Variants in ITGA8 observed in about 807,000 individuals in gnomAD.
The protein encoded by ITGA8 is integrin alpha-8.
Under a neutral mutation model 142.3 loss-of-function variants are expected in ITGA8, and 91 were observed. That is an observed-to-expected ratio of 0.64 (90% CI 0.54 to 0.76). The LOEUF (loss-of-function observed/expected upper bound fraction) is 0.76. ITGA8 is among the 30% of genes least tolerant of loss of function. The pLI is 0.00. For missense variants in ITGA8, 1,406 were observed against 1,327.7 expected (o/e 1.06, Z -0.92); for synonymous variants, 505 against 485.2 (o/e 1.04, Z -0.54).
chr10:15,670,357 A>G (rs566429114), intron 8 of ITGA8, among the ~76,000 whole-genome samples: 4 of 152,350 alleles, frequency 2.6e-5, no homozygotes, highest in East Asian at 1.9e-4. Context: ...GTTAGTTAAT[A>G]TTAGTGTCAT....
At chr10:15,562,362 G>A (rs1833999789) in intron 25 of ITGA8, among the ~76,000 whole-genome samples, 1 of 152,218 alleles carries the variant, frequency 6.6e-6, no homozygotes, top group Admixed American at 6.5e-5. Context: ...GGCGCCATCA[G>A]GCTATGGGGT....
At chr10:15,709,325 G>T (rs1246554845) in intron 2 of ITGA8, among the ~76,000 whole-genome samples, 1 of 152,204 alleles carries the variant, frequency 6.6e-6, no homozygotes, top group African/African-American at 2.4e-5. Flanking sequence ...TGGCAAGTGT[G>T]TTGACACACT....
intron 13 of ITGA8, among the ~76,000 whole-genome samples, chr10:15,638,412 C>T (rs917652907): frequency 2.6e-5 from 4 of 152,164 alleles, no homozygotes; most frequent in Non-Finnish European, 5.9e-5. Context: ...AATGTGTATG[C>T]CCTGCCATTA....
intron 2 of ITGA8, among the ~76,000 whole-genome samples, chr10:15,691,913 A>G (rs892805951): frequency 6.6e-6 from 1 of 152,204 alleles, no homozygotes; most frequent in African/African-American, 2.4e-5. Context: ...TAAATAGATC[A>G]AAACATTACA....
intron 28 of ITGA8, among the ~76,000 whole-genome samples, chr10:15,529,395 A>G (rs1449361807): frequency 6.6e-6 from 1 of 152,218 alleles, no homozygotes; most frequent in African/African-American, 2.4e-5. Flanking sequence ...GGACTGTCTC[A>G]GAGAGGTAAA....
chr10:15,517,187 G>A lies in ITGA8; in HGVS notation c.3163C>T (p.Leu1055=), dbSNP rs371064779. The part of the protein sequence containing the change: ...PQEDMTDREQ[L]TNDKTPEA ...GCCTCAGGGGTCTTGTCATTTGTCA[G>A]CTGTTCCCTGTCGGTCATGTCCTCC... The change falls in exon 30 of 30, where the codon CTG becomes TTG. Residue 1055 remains leucine (L), a synonymous_variant. Transcript: ENST00000378076. 1.9e-6 allele frequency: 3 copies of A among 1,613,148 alleles called. No individual in the cohort carries two copies. Among genetic ancestry groups the A allele is most frequent in the African/African-American group, 2.7e-5 (2 of 74,792 alleles).
At chr10:15,549,215 T>A (rs142694114) in intron 26 of ITGA8, among the ~76,000 whole-genome samples, 1 of 36,390 alleles carries the variant, frequency 2.7e-5, no homozygotes, top group African/African-American at 4.3e-5. Context: ...TTTTTTTTTT[T>A]TTTTTTTTTT....
chr10:15,565,241 C>T (rs34455859), intron 25 of ITGA8, among the ~76,000 whole-genome samples: 1 of 152,174 alleles, frequency 6.6e-6, no homozygotes, highest in Non-Finnish European at 1.5e-5. Flanking sequence ...ACAGACTGAC[C>T]AGGTCCAGGG....
At position 15,599,878 on chromosome 10, in the gene ITGA8, G is replaced by A. The variant is rs538616127; in HGVS notation, c.2119-2579C>T. ...AGAGGTTGCAGTGAGCTGAGATCGC[G>A]CCATTGCACTCTGGCCTGGGTGACA... is the stretch of plus-strand genomic sequence containing the variant. On this transcript the variant is annotated intron_variant, in intron 20 of 29. Transcript: ENST00000378076. Among the ~76,000 whole-genome samples, 30 of 152,210 alleles carry A rather than the reference G, an allele frequency of 2.0e-4. 1 individual carries two copies. The highest frequency in any genetic ancestry group is 7.2e-4 in the Admixed American group (11 of 15,282).
At chr10:15,604,925 C>T (rs1034472332) in intron 19 of ITGA8, among the ~76,000 whole-genome samples, 1 of 152,242 alleles carries the variant, frequency 6.6e-6, no homozygotes, top group South Asian at 2.1e-4. Context: ...TGAAGACATG[C>T]AGTTCACTTA....
At chr10:15,616,597 G>T in intron 13 of ITGA8, 38 bp from the exon 14 acceptor site, 1 of 1,569,838 alleles carries the variant, frequency 6.4e-7, no homozygotes. Flanking sequence ...TGCGTGAATC[G>T]TATAGAAACA....
intron 11 of ITGA8, among the ~76,000 whole-genome samples, chr10:15,654,416 G>A (rs1002896223): frequency 2.0e-5 from 3 of 152,120 alleles, no homozygotes; most frequent in Non-Finnish European, 4.4e-5. Context: ...GTAGATGTTT[G>A]AGAAGTTTAT....
At chr10:15,567,499 A>G (rs1179862819) in intron 25 of ITGA8, among the ~76,000 whole-genome samples, 1 of 152,202 alleles carries the variant, frequency 6.6e-6, no homozygotes, top group Non-Finnish European at 1.5e-5. Context: ...ATAAGGTGCC[A>G]TGTTAAAATC....
chr10:15,627,398 T>C (rs1361811884), intron 13 of ITGA8, among the ~76,000 whole-genome samples: 3 of 152,190 alleles, frequency 2.0e-5, no homozygotes, highest in African/African-American at 7.2e-5. Context: ...TGTGGTCTGG[T>C]TGGACCGCCA....
chr10:15,703,541 T>G (rs1313619234), intron 2 of ITGA8, among the ~76,000 whole-genome samples: 1 of 152,216 alleles, frequency 6.6e-6, no homozygotes, highest in African/African-American at 2.4e-5. Context: ...GAATTATCTC[T>G]TCCAAGGGAA....
At chr10:15,716,099 C>G (rs1037053169) in intron 2 of ITGA8, among the ~76,000 whole-genome samples, 1 of 152,220 alleles carries the variant, frequency 6.6e-6, no homozygotes, top group Non-Finnish European at 1.5e-5. Context: ...CAGGTCACAG[C>G]CTTGTTCATT....
chr10:15,517,578 C>A (rs775804675), intron 29 of ITGA8, among the ~76,000 whole-genome samples: 2 of 152,224 alleles, frequency 1.3e-5, no homozygotes, highest in Non-Finnish European at 2.9e-5. Context: ...CCTGTCTCAG[C>A]TTCCCAAAGT....
chr10:15,635,470 A>C (rs1833757927), intron 13 of ITGA8, among the ~76,000 whole-genome samples: 4 of 152,254 alleles, frequency 2.6e-5, no homozygotes. Flanking sequence ...CTTGATAAGG[A>C]AGGCAAGACC....
rs1564347858 is a variant in ITGA8, at chr10:15,551,946, A to G, written c.2767-3378T>C. Among the ~76,000 whole-genome samples the G allele has an allele frequency of 2.0e-5, 3 of 152,144 alleles. 1 individual carries two copies. The highest frequency in any genetic ancestry group is 2.0e-4 in the Admixed American group (3 of 15,272). On this transcript the variant is annotated intron_variant, in intron 26 of 29. Coordinates refer to ENST00000378076, the MANE Select transcript of ITGA8 (RefSeq NM_003638.3). ...CCTTGGCCTTCATCTGAGAGTTTTT[A>G]TGATATTCGGAAGTTTAAAATTATC... is the stretch of plus-strand genomic sequence containing the variant.
Sources: gnomAD v4.1 joint callset for allele counts (sites outside exome capture counted in the v4.1 genomes callset) on GRCh38, gnomAD v4.1.1 for gene constraint, MANE v1.5 for transcripts, NCBI Gene and HGNC (gene_info 2026-07-23, HGNC 2026-07-21) for gene names.